Variants in KCNQ5 observed in about 807,000 individuals in gnomAD.
The protein encoded by KCNQ5 is potassium voltage-gated channel subfamily KQT member 5.
Under a neutral mutation model 98.2 loss-of-function variants are expected in KCNQ5, and 30 were observed. That is an observed-to-expected ratio of 0.31 (90% confidence interval 0.23 to 0.41). KCNQ5 has a LOEUF of 0.41. KCNQ5 is among the 10% of genes least tolerant of loss of function. The pLI is 1.00. For missense variants in KCNQ5, 835 were observed against 1,182.5 expected, an observed-to-expected ratio of 0.71 and a Z score of 4.31; for synonymous variants, 458 against 449.4, an observed-to-expected ratio of 1.02 and a Z score of -0.24.
chr6:73,002,012 T>TA (rs58207612), intron 1 of KCNQ5, among the ~76,000 whole-genome samples: 151,308 of 151,886 alleles, frequency 1, 75,367 homozygotes, highest in Middle Eastern at 1. Context: ...TAGTCCCAGC[T>TA]CTCAGGAGGC....
In KCNQ5 at chr6:73,118,849, T is replaced by C. The variant is rs187750339; in HGVS notation, c.1126-1634T>C. 7.4e-4 allele frequency among the ~76,000 whole-genome samples: 112 copies of C among 152,082 alleles called. 1 individual carries two copies. The East Asian group carries it at 0.011, about 15-fold the overall frequency. ...CAGCCTGGCCAACATAGTGAAACCCTGTCTCTACTAAAAATACAAAAATTA... is the reference window on the plus strand; with the variant it reads ...CAGCCTGGCCAACATAGTGAAACCCCGTCTCTACTAAAAATACAAAAATTA... On this transcript the variant is annotated intron_variant, in intron 7 of 13. Transcript: ENST00000370398.
chr6:73,124,993 A>ATTATATG (rs1775913612), intron 9 of KCNQ5, among the ~76,000 whole-genome samples: 1 of 131,700 alleles, frequency 7.6e-6, no homozygotes, highest in African/African-American at 2.9e-5. Flanking sequence ...ACACACACAC[A>ATTATATG]TATATATATC....
intron 1 of KCNQ5, among the ~76,000 whole-genome samples, chr6:72,713,555 C>A (rs1038901697): frequency 6.6e-6 from 1 of 152,118 alleles, no homozygotes; most frequent in Admixed American, 6.5e-5. Context: ...AGTTCTGGTG[C>A]CTCTGGCCTC....
chr6:72,819,401 G>A (rs954777233), intron 1 of KCNQ5, among the ~76,000 whole-genome samples: 6 of 151,986 alleles, frequency 3.9e-5, no homozygotes, highest in Admixed American at 6.6e-5. Flanking sequence ...TCAACATATC[G>A]ATGAATGAAA....
At chr6:72,688,360 A>G (rs1768056348) in intron 1 of KCNQ5, among the ~76,000 whole-genome samples, 1 of 152,118 alleles carries the variant, frequency 6.6e-6, no homozygotes, top group Non-Finnish European at 1.5e-5. Context: ...CTAAGATCCA[A>G]GTTTACTTCC....
intron 10 of KCNQ5, among the ~76,000 whole-genome samples, chr6:73,154,307 C>G (rs1323008954): frequency 1.3e-5 from 2 of 152,046 alleles, no homozygotes; most frequent in Admixed American, 1.3e-4. Context: ...ATTGAGTAAA[C>G]AATGGTCACA....
At chr6:72,876,799 G>A (rs560882261) in intron 1 of KCNQ5, among the ~76,000 whole-genome samples, 3 of 152,302 alleles carry the variant, frequency 2.0e-5, no homozygotes, top group African/African-American at 7.2e-5. Flanking sequence ...TGGCTGTTTA[G>A]TTAGAGATCA....
chr6:73,188,250 A>G (rs1765454826), intron 11 of KCNQ5, among the ~76,000 whole-genome samples: 1 of 152,214 alleles, frequency 6.6e-6, no homozygotes, highest in Non-Finnish European at 1.5e-5. Context: ...GGGGCAAGTT[A>G]CTTAAGTTCT....
intron 1 of KCNQ5, among the ~76,000 whole-genome samples, chr6:72,662,830 A>C (rs1766598185): frequency 6.6e-6 from 1 of 152,178 alleles, no homozygotes; most frequent in African/African-American, 2.4e-5. Context: ...GCATCATACA[A>C]ATATAATGAT....
chr6:72,912,599 G>C (rs1298521521), intron 1 of KCNQ5, among the ~76,000 whole-genome samples: 1 of 152,164 alleles, frequency 6.6e-6, no homozygotes, highest in Admixed American at 6.5e-5. Flanking sequence ...AAATTTTTCT[G>C]AATCTGGCAT....
intron 3 of KCNQ5, among the ~76,000 whole-genome samples, chr6:73,070,413 T>C (rs1015289256): frequency 2.2e-4 from 33 of 152,174 alleles, no homozygotes; most frequent in African/African-American, 7.2e-4. Context: ...AAACAAAAAT[T>C]CCGTTAAAAC....
intron 1 of KCNQ5, among the ~76,000 whole-genome samples, chr6:72,656,668 T>C (rs1029631265): frequency 2.6e-5 from 4 of 152,218 alleles, no homozygotes; most frequent in Admixed American, 6.6e-5. Context: ...AAATTTAGTT[T>C]TCTTCATTTA....
At chr6:72,765,111 A>T (rs1434933309) in intron 1 of KCNQ5, among the ~76,000 whole-genome samples, 2 of 152,028 alleles carry the variant, frequency 1.3e-5, no homozygotes, top group Non-Finnish European at 2.9e-5. Context: ...CAATATATTG[A>T]TTTCATTTCA....
intron 10 of KCNQ5, among the ~76,000 whole-genome samples, chr6:73,142,137 G>A (rs556516832): frequency 7.2e-5 from 11 of 152,230 alleles, no homozygotes; most frequent in African/African-American, 1.2e-4. Context: ...GAGAGAGTAC[G>A]CAGAGAGAAG....
chr6:73,120,539 G>A lies in KCNQ5; in HGVS notation c.1182G>A (p.Lys394=). The change falls in exon 8 of 14, where the codon AAG becomes AAA. Residue 394 remains lysine, a synonymous_variant. Coordinates refer to ENST00000370398, the MANE Select transcript of KCNQ5 (RefSeq NM_019842.4). ...DEKSVSIATW[K]PHLKALHTCS... ...AATCTGTTTCCATTGCAACCTGGAA[G>A]CCACACTTGAAGGCCTTGCACACCT... 6.2e-7 allele frequency: 1 copy of A among 1,611,970 alleles called. No individual in the cohort carries two copies. Among genetic ancestry groups the A allele is most frequent in the Non-Finnish European group, 8.5e-7 (1 of 1,178,636 alleles).
chr6:72,851,428 T>C lies in KCNQ5; in HGVS notation c.399-152480T>C, dbSNP rs938345153. 4.6e-5 allele frequency among the ~76,000 whole-genome samples: 7 copies of C among 152,278 alleles called. No homozygotes were observed. In the East Asian group the frequency reaches 1.2e-3, roughly 25 times the overall value. On this transcript the variant is annotated intron_variant, in intron 1 of 13. Coordinates refer to ENST00000370398, the MANE Select transcript of KCNQ5 (RefSeq NM_019842.4). ...AATCTGGGACCAGCTCAACAAAGAC[T>C]CCCATTATCTAAGCAAGCCCAGCTA... is the stretch of plus-strand genomic sequence containing the variant.
intron 5 of KCNQ5, 148 bp from the exon 6 acceptor site, chr6:73,105,109 G>T (rs1280036940): frequency 2.0e-6 from 1 of 488,346 alleles, no homozygotes. Flanking sequence ...TCTGTCATGC[G>T]TCATGGAAAA....
chr6:73,063,682 TA>T lies in KCNQ5; in HGVS notation c.617-13639del, dbSNP rs1318120932. Among the ~76,000 whole-genome samples, 540 of 73,516 alleles carry T rather than the reference TA, an allele frequency of 7.3e-3. 11 individuals carry two copies. Among genetic ancestry groups the T allele is most frequent in the African/African-American group, 0.021 (513 of 24,542 alleles). The allele number at this position is 73,516 out of a possible 152,430, so 48.2% of individuals were successfully genotyped here. On this transcript the variant is annotated intron_variant, in intron 3 of 13. Transcript: ENST00000370398. ...GATAGATAGATGATAGATAGATAGA[TA>T]GATGATAGATAGATAGATAGATAGA...
At chr6:72,693,140 A>T (rs1768297402) in intron 1 of KCNQ5, among the ~76,000 whole-genome samples, 2 of 152,214 alleles carry the variant, frequency 1.3e-5, no homozygotes, top group African/African-American at 4.8e-5. Flanking sequence ...AAGCCATAGG[A>T]AATGGGTGGG....
Sources: allele counts gnomAD v4.1 joint callset (sites outside exome capture counted in the v4.1 genomes callset), GRCh38; gene constraint gnomAD v4.1.1; transcripts MANE v1.5; gene names NCBI Gene and HGNC (gene_info 2026-07-23, HGNC 2026-07-21).